The following ACTR10 variants were observed in gnomAD, a reference collection of about 807,000 sequenced individuals.
ACTR10 encodes actin related protein 10.
Under a neutral mutation model 56.2 loss-of-function variants are expected in ACTR10, and 43 were observed. The observed-to-expected ratio is 0.77, with a 90% CI of 0.60 to 0.99. ACTR10 has a LOEUF of 0.99. Among genes scored for constraint, ACTR10 ranks in the 50% least tolerant of loss-of-function variants. The pLI is 0.00. For missense variants in ACTR10, 466 were observed against 507.8 expected, an observed-to-expected ratio of 0.92 and a Z score of 0.79; for synonymous variants, 170 against 176.3, an observed-to-expected ratio of 0.96 and a Z score of 0.28.
intron 5 of ACTR10, among the ~76,000 whole-genome samples, 195 bp downstream of exon 5, chr14:58,211,594 T>G (rs1474373689): frequency 2.0e-5 from 3 of 152,160 alleles, no homozygotes; most frequent in African/African-American, 7.2e-5. Context: ...TATTGTTTGG[T>G]CCCAGGATAT....
intron 10 of ACTR10, among the ~76,000 whole-genome samples, chr14:58,229,539 G>A (rs1397005740): frequency 2.6e-5 from 4 of 152,006 alleles, no homozygotes; most frequent in Admixed American, 6.6e-5. Context: ...TTAGCCGGGC[G>A]CGGTGGCGGG....
intron 7 of ACTR10, 56 bp from the exon 8 acceptor site, chr14:58,219,638 A>T (rs1201732509): frequency 1.7e-6 from 2 of 1,156,152 alleles, no homozygotes; most frequent in Non-Finnish European, 1.2e-6. Context: ...AGGCAATTTA[A>T]TAGACTGTTT....
chr14:58,217,095 T>C (rs1161987097), intron 7 of ACTR10, among the ~76,000 whole-genome samples: 1 of 152,242 alleles, frequency 6.6e-6, no homozygotes, highest in African/African-American at 2.4e-5. Flanking sequence ...GATGTCTTAG[T>C]ATATTTTGGT....
chr14:58,229,677 C>CAAAA (rs34465995), intron 10 of ACTR10, among the ~76,000 whole-genome samples: 1 of 106,960 alleles, frequency 9.3e-6, no homozygotes, highest in African/African-American at 3.2e-5. Flanking sequence ...GACTCTGTAT[C>CAAAA]AAAAAAAAAA....
chr14:58,202,003 A>AG (rs1491265487), intron 1 of ACTR10, among the ~76,000 whole-genome samples: 1 of 47,986 alleles, frequency 2.1e-5, no homozygotes, highest in Admixed American at 1.7e-4. Flanking sequence ...ACCCTGCCTC[A>AG]AAAAAAAAAA....
Position 58,234,651 on chromosome 14 carries a change from G to A in ACTR10, c.*100G>A, listed in dbSNP as rs1889631881. 3 of 1,135,864 alleles carry A rather than the reference G, an allele frequency of 2.6e-6. No individual in the cohort carries two copies. The highest frequency in any genetic ancestry group is 1.6e-5 in the African/African-American group (1 of 63,974). 70.4% of individuals were successfully genotyped at this position (1,135,864 alleles called of 1,614,324 possible). Reference sequence around the variant, plus strand: ...GGATGTTTTGTTATAGAGGACTATAGTGGAAGTGAAAGCATTCTGTGTTTA... The same window carrying A: ...GGATGTTTTGTTATAGAGGACTATAATGGAAGTGAAAGCATTCTGTGTTTA... On this transcript the variant is annotated 3_prime_UTR_variant, in exon 13 of 13. Transcript: ENST00000254286.
At chr14:58,214,153 C>T (rs1029622821) in intron 6 of ACTR10, among the ~76,000 whole-genome samples, 9 of 152,102 alleles carry the variant, frequency 5.9e-5, no homozygotes, top group Non-Finnish European at 8.8e-5. Flanking sequence ...CCTCACCTCC[C>T]TTGTATCCCT....
chr14:58,200,344 G>A, intron 1 of ACTR10, 50 bp downstream of exon 1: 1 of 1,434,918 alleles, frequency 7.0e-7, no homozygotes, highest in South Asian at 1.5e-5. Context: ...AGGGCGGGTG[G>A]CAGAGCCCCA....
Position 58,211,302 on chromosome 14 carries a change from T to A in ACTR10, c.353T>A (p.Val118Asp). The A allele has an allele frequency of 6.2e-7, 1 of 1,612,922 alleles. No homozygotes were observed. Among genetic ancestry groups the A allele is most frequent in the Non-Finnish European group, 8.5e-7 (1 of 1,179,034 alleles). Reference protein sequence around the residue: ...VLFKYFEVPSVLLAPSHLMAL... With the variant: ...VLFKYFEVPSDLLAPSHLMAL... ...TTTGTTATTTTCTAGGTTCCATCTG[T>A]CTTGCTTGCTCCAAGTCATCTAATG... Residue 118 changes from valine to aspartate, a missense_variant, in exon 5 of 13, where the codon GTC becomes GAC. Transcript: ENST00000254286.
At chr14:58,208,506 C>T (rs565279748) in intron 3 of ACTR10, among the ~76,000 whole-genome samples, 9 of 151,982 alleles carry the variant, frequency 5.9e-5, no homozygotes, top group African/African-American at 1.9e-4. Context: ...GCAAGTTTTA[C>T]GTGTCATAAT....
At chr14:58,231,429 G>A (rs1401213528) in intron 11 of ACTR10, among the ~76,000 whole-genome samples, 1 of 152,110 alleles carries the variant, frequency 6.6e-6, no homozygotes, top group Non-Finnish European at 1.5e-5. Context: ...ATTCAGGGTT[G>A]TATAGTATTC....
intron 3 of ACTR10, among the ~76,000 whole-genome samples, chr14:58,208,344 T>C (rs149178979): frequency 3.6e-4 from 55 of 152,238 alleles, no homozygotes; most frequent in African/African-American, 1.3e-3. Context: ...GTGGGATATA[T>C]TGATAAGTGA....
At chr14:58,223,425 A>G in intron 8 of ACTR10, 197 bp from the exon 9 acceptor site, 1 of 557,282 alleles carries the variant, frequency 1.8e-6, no homozygotes, top group Admixed American at 3.4e-5. Context: ...GGCAAGAGCC[A>G]CTGCACCTGG....
At chr14:58,222,741 G>A (rs1340842032) in intron 8 of ACTR10, among the ~76,000 whole-genome samples, 2 of 147,932 alleles carry the variant, frequency 1.4e-5, no homozygotes, top group East Asian at 2.0e-4. Context: ...CTCCAGTCTG[G>A]GCAATAGAGT....
chr14:58,212,256 G>A (rs921199043), intron 5 of ACTR10, among the ~76,000 whole-genome samples: 4 of 152,260 alleles, frequency 2.6e-5, no homozygotes, highest in East Asian at 1.9e-4. Flanking sequence ...TTCTCAGTAC[G>A]TGCTGTGGTT....
chr14:58,229,626 C>T (rs1160791663), intron 10 of ACTR10, among the ~76,000 whole-genome samples: 2 of 147,492 alleles, frequency 1.4e-5, no homozygotes, highest in African/African-American at 2.5e-5. Context: ...TGCAGTGAGC[C>T]GAGATCACGC....
chr14:58,209,199 C>CT (rs954405308), intron 4 of ACTR10, 92 bp downstream of exon 4: 2,235 of 884,408 alleles, frequency 2.5e-3, no homozygotes, highest in Middle Eastern at 3.8e-3. Flanking sequence ...TCTTTCTTCT[C>CT]TTTTTTTTTG....
rs558022090 is a variant in ACTR10 at position 58,234,648 on chromosome 14, A to G, written c.*97A>G. The stretch of plus-strand genomic sequence containing the variant: ...GTAGGATGTTTTGTTATAGAGGACT[A>G]TAGTGGAAGTGAAAGCATTCTGTGT... On this transcript the variant is annotated 3_prime_UTR_variant, in exon 13 of 13. Transcript: ENST00000254286. 5 of 1,148,054 alleles carry G rather than the reference A, an allele frequency of 4.4e-6. No homozygotes were observed. In the African/African-American group the frequency reaches 4.7e-5, roughly 11 times the overall value. 71.1% of individuals were successfully genotyped at this position (1,148,054 alleles called of 1,614,324 possible).
intron 8 of ACTR10, among the ~76,000 whole-genome samples, chr14:58,222,521 T>C (rs942162996): frequency 1.3e-5 from 2 of 152,142 alleles, no homozygotes; most frequent in African/African-American, 4.8e-5. Flanking sequence ...TCCCAGCACT[T>C]TGGGAGGCCA....
Sources: gnomAD v4.1 joint callset for allele counts (sites outside exome capture counted in the v4.1 genomes callset) on GRCh38, gnomAD v4.1.1 for gene constraint, MANE v1.5 for transcripts, NCBI Gene and HGNC (gene_info 2026-07-23, HGNC 2026-07-21) for gene names.